The following NFIA variants were observed in gnomAD, a reference collection of about 807,000 sequenced individuals.
NFIA encodes nuclear factor 1 A-type.
In NFIA, 8 loss-of-function variants were observed where a neutral mutation model predicts 62.8. That is an observed-to-expected ratio of 0.13 (90% CI 0.07 to 0.23). The LOEUF is 0.23. Among genes scored for constraint, NFIA ranks in the 10% least tolerant of loss-of-function variants. The pLI is 1.00. For missense variants in NFIA, 410 were observed against 642.1 expected, an observed-to-expected ratio of 0.64 and a Z score of 3.91; for synonymous variants, 235 against 238.1, an observed-to-expected ratio of 0.99 and a Z score of 0.12.
rs181977683 is a variant in NFIA at position 61,237,178 on chromosome 1, A to G, written c.560-40342A>G. The stretch of plus-strand genomic sequence containing the variant: ...TCTTAACCCTAAAATAGTTGGTGAT[A>G]TAGTTATCTCTCATTTGCATTATTG... On this transcript the variant is annotated intron_variant, in intron 2 of 10. Transcript: ENST00000403491. Among the ~76,000 whole-genome samples, 5 of 152,352 alleles carry G rather than the reference A, an allele frequency of 3.3e-5. No individual in the cohort carries two copies. In the East Asian group the frequency reaches 9.6e-4, roughly 29 times the overall value.
At chr1:61,195,867 C>T (rs149475309) in intron 2 of NFIA, among the ~76,000 whole-genome samples, 12 of 152,110 alleles carry the variant, frequency 7.9e-5, no homozygotes, top group Admixed American at 2.0e-4. Flanking sequence ...AGAAATGTGA[C>T]GTATAAAGAA....
intron 3 of NFIA, among the ~76,000 whole-genome samples, chr1:61,315,857 A>G (rs1660339675): frequency 6.6e-6 from 1 of 152,128 alleles, no homozygotes; most frequent in African/African-American, 2.4e-5. Flanking sequence ...ATGCATATTT[A>G]TTTTCAATTT....
In NFIA at chr1:61,455,575, T is replaced by C. The variant is rs1668265788; in HGVS notation, c.*255T>C. 3.6e-6 allele frequency: 2 copies of C among 554,904 alleles called. No individual in the cohort carries two copies. Among genetic ancestry groups the C allele is most frequent in the Non-Finnish European group, 6.2e-6 (2 of 321,908 alleles). The allele number at this position is 554,904 out of a possible 1,614,324, so 34.4% of individuals were successfully genotyped here. On this transcript the variant is annotated 3_prime_UTR_variant, in exon 11 of 11. Coordinates refer to ENST00000403491, the MANE Select transcript of NFIA (RefSeq NM_001134673.4). ...ATTTCTCATATGGTGCTGGAAATGG[T>C]TGGGCTTTGTAACATTTGAAGTGTT...
chr1:61,081,652 G>C (rs559506966), upstream of NFIA: 5 of 468,242 alleles, frequency 1.1e-5, no homozygotes, highest in African/African-American at 9.9e-5. Flanking sequence ...TAGTTTCACA[G>C]TCCTGGGAGG....
chr1:61,171,184 C>A (rs999586080), intron 2 of NFIA, among the ~76,000 whole-genome samples: 3 of 152,082 alleles, frequency 2.0e-5, no homozygotes, highest in Non-Finnish European at 1.5e-5. Flanking sequence ...ATTATATTCT[C>A]TGAAACCATT....
intron 4 of NFIA, among the ~76,000 whole-genome samples, chr1:61,351,969 A>G (rs530314174): frequency 6.6e-6 from 1 of 152,356 alleles, no homozygotes; most frequent in East Asian, 1.9e-4. Context: ...GGTGATTCAG[A>G]GTAAAGAGAA....
intron 2 of NFIA, among the ~76,000 whole-genome samples, chr1:61,277,258 G>A (rs2100275616): frequency 1.3e-5 from 2 of 152,352 alleles, no homozygotes; most frequent in East Asian, 3.9e-4. Context: ...TTGCTGAAGA[G>A]CTTCAAGTTG....
At chr1:61,246,280 A>G (rs1161952023) in intron 2 of NFIA, among the ~76,000 whole-genome samples, 1 of 152,194 alleles carries the variant, frequency 6.6e-6, no homozygotes, top group Non-Finnish European at 1.5e-5. Flanking sequence ...GCCAAGACAT[A>G]AATATAGTTG....
intron 2 of NFIA, among the ~76,000 whole-genome samples, chr1:61,161,719 G>A (rs1649222070): frequency 6.6e-6 from 1 of 151,982 alleles, no homozygotes. Context: ...GTGTGTATGT[G>A]TATCCGTATA....
chr1:61,126,462 A>ACACACACACACACACT (rs35045816), intron 2 of NFIA, among the ~76,000 whole-genome samples: 27,120 of 145,608 alleles, frequency 0.19, 2,756 homozygotes, highest in Non-Finnish European at 0.22. Flanking sequence ...ACACACACAC[A>ACACACACACACACACT]CACACACACA....
chr1:61,401,427 T>TAAC (rs370622167), intron 7 of NFIA, among the ~76,000 whole-genome samples: 68 of 152,336 alleles, frequency 4.5e-4, no homozygotes, highest in African/African-American at 1.6e-3. Context: ...TTTACGTATT[T>TAAC]AACAACAACA....
At chr1:61,102,283 A>G (rs1287496625) in intron 2 of NFIA, among the ~76,000 whole-genome samples, 2 of 152,212 alleles carry the variant, frequency 1.3e-5, no homozygotes, top group African/African-American at 4.8e-5. Context: ...GATATAGTTC[A>G]TGAGATATTA....
chr1:61,433,971 C>A (rs1667218745), intron 10 of NFIA, among the ~76,000 whole-genome samples: 1 of 152,206 alleles, frequency 6.6e-6, no homozygotes, highest in Admixed American at 6.5e-5. Context: ...AATTAGGAAG[C>A]CTCCTACTAC....
chr1:61,317,732 T>G (rs1229415134), intron 3 of NFIA, among the ~76,000 whole-genome samples: 2 of 152,088 alleles, frequency 1.3e-5, no homozygotes, highest in Non-Finnish European at 2.9e-5. Flanking sequence ...GAAAAGAATG[T>G]GGTTATTTCT....
intron 10 of NFIA, among the ~76,000 whole-genome samples, chr1:61,454,623 T>C (rs1351101704): frequency 6.6e-6 from 1 of 152,210 alleles, no homozygotes; most frequent in Non-Finnish European, 1.5e-5. Flanking sequence ...TTAGATATAT[T>C]GGGCTGAAAG....
At chr1:61,251,750 C>T (rs1398827066) in intron 2 of NFIA, among the ~76,000 whole-genome samples, 2 of 152,052 alleles carry the variant, frequency 1.3e-5, no homozygotes, top group African/African-American at 4.8e-5. Flanking sequence ...AACACAGTGC[C>T]TCTAATTTTA....
In NFIA at chr1:61,222,248, A is replaced by G. The variant is rs61707978; in HGVS notation, c.560-55272A>G. 4.5e-3 allele frequency among the ~76,000 whole-genome samples: 683 copies of G among 152,286 alleles called. 6 individuals carry two copies. Among genetic ancestry groups the G allele is most frequent in the African/African-American group, 0.015 (620 of 41,586 alleles). On this transcript the variant is annotated intron_variant, in intron 2 of 10. Coordinates refer to ENST00000403491, the MANE Select transcript of NFIA (RefSeq NM_001134673.4). ...CAACACCTTTAAAGAATATTCTCAT[A>G]GCAATGATGTAAAATATTAAATCTA... is the stretch of plus-strand genomic sequence containing the variant.
chr1:61,312,599 A>G (rs926238231), intron 3 of NFIA, among the ~76,000 whole-genome samples: 1 of 152,096 alleles, frequency 6.6e-6, no homozygotes, highest in Non-Finnish European at 1.5e-5. Flanking sequence ...TGCAGCCTCA[A>G]CTTCCCAGGC....
At chr1:61,281,236 TCA>T (rs1491142889) in intron 3 of NFIA, among the ~76,000 whole-genome samples, 1 of 139,450 alleles carries the variant, frequency 7.2e-6, no homozygotes, top group African/African-American at 2.8e-5. Flanking sequence ...AGACTCCATC[TCA>T]AAAAAAAAAA....
Sources: allele counts gnomAD v4.1 joint callset (sites outside exome capture counted in the v4.1 genomes callset), GRCh38; gene constraint gnomAD v4.1.1; transcripts MANE v1.5; gene names NCBI Gene and HGNC (gene_info 2026-07-23, HGNC 2026-07-21).